The following OPCML variants were observed in gnomAD, a reference collection of about 807,000 sequenced individuals.
OPCML encodes the protein opioid binding protein/cell adhesion molecule like.
Under a neutral mutation model 37.8 loss-of-function variants are expected in OPCML, and 13 were observed. The observed-to-expected ratio is 0.34, with a 90% CI of 0.22 to 0.55. The LOEUF (loss-of-function observed/expected upper bound fraction) is 0.55, where lower values mean the gene tolerates loss of function less well. Ranked by LOEUF, OPCML falls within the 20% of genes least tolerant of loss-of-function variation. The pLI is 0.91. For synonymous variants in OPCML, 176 were observed against 168.8 expected, an observed-to-expected ratio of 1.04 and a Z score of -0.33; for missense variants, 341 against 435.6, an observed-to-expected ratio of 0.78 and a Z score of 1.93.
intron 1 of OPCML, among the ~76,000 whole-genome samples, chr11:133,236,736 G>A (rs1232051337): frequency 6.6e-6 from 1 of 152,204 alleles, no homozygotes; most frequent in African/African-American, 2.4e-5. Flanking sequence ...TTATTTAAAA[G>A]TGTTTTTACC....
intron 3 of OPCML, among the ~76,000 whole-genome samples, chr11:132,650,073 C>T (rs768428208): frequency 2.6e-5 from 4 of 152,100 alleles, no homozygotes; most frequent in East Asian, 1.9e-4. Flanking sequence ...AATATGTGTC[C>T]GCTTGACGTG....
chr11:132,680,437 C>A (rs1051886811), intron 2 of OPCML, among the ~76,000 whole-genome samples: 9 of 152,198 alleles, frequency 5.9e-5, no homozygotes, highest in Admixed American at 1.3e-4. Flanking sequence ...TATCCTACCA[C>A]ATAGGCAGTT....
intron 1 of OPCML, among the ~76,000 whole-genome samples, chr11:133,499,874 A>T (rs866554827): frequency 0.015 from 1,758 of 120,228 alleles, 21 homozygotes; most frequent in Middle Eastern, 0.049. Flanking sequence ...ATATATATAT[A>T]TTTTTTTTTT....
At chr11:132,820,779 G>C (rs1939933534) in intron 2 of OPCML, among the ~76,000 whole-genome samples, 1 of 152,170 alleles carries the variant, frequency 6.6e-6, no homozygotes. Context: ...CCAAACCACA[G>C]TCTAAGAGAT....
chr11:133,088,145 G>C (rs1948845095), intron 1 of OPCML, among the ~76,000 whole-genome samples: 1 of 152,132 alleles, frequency 6.6e-6, no homozygotes, highest in Admixed American at 6.6e-5. Flanking sequence ...ATTAACAAAA[G>C]AGAAAGAGTA....
chr11:133,338,426 G>T (rs958008398), intron 1 of OPCML, among the ~76,000 whole-genome samples: 14 of 152,176 alleles, frequency 9.2e-5, no homozygotes, highest in African/African-American at 3.1e-4. Context: ...AGGGAATTAA[G>T]GTGGAGGGGG....
At chr11:132,962,669 C>T (rs1376366650) in intron 1 of OPCML, among the ~76,000 whole-genome samples, 3 of 152,152 alleles carry the variant, frequency 2.0e-5, no homozygotes, top group Non-Finnish European at 4.4e-5. Context: ...TCCCACCGAC[C>T]CCAGCCTTGG....
intron 1 of OPCML, among the ~76,000 whole-genome samples, chr11:133,450,596 AAAAC>A (rs1353050613): frequency 6.6e-6 from 1 of 151,742 alleles, no homozygotes; most frequent in Non-Finnish European, 1.5e-5. Flanking sequence ...AATTTAAAAA[AAAAC>A]AAGCGAGTGA....
intron 1 of OPCML, among the ~76,000 whole-genome samples, chr11:132,999,811 C>G (rs1355426498): frequency 6.6e-6 from 1 of 152,038 alleles, no homozygotes; most frequent in African/African-American, 2.4e-5. Flanking sequence ...CTGTTGGCAA[C>G]GTTGTGGAAA....
intron 1 of OPCML, chr11:133,360,906 A>C (rs2136716849): frequency 6.6e-6 from 1 of 152,364 alleles, no homozygotes; most frequent in South Asian, 2.1e-4. Context: ...AGATACTCTA[A>C]GGGCTGTGGC....
intron 1 of OPCML, among the ~76,000 whole-genome samples, chr11:133,063,453 C>G (rs539639378): frequency 6.6e-6 from 1 of 152,194 alleles, no homozygotes; most frequent in Non-Finnish European, 1.5e-5. Context: ...GACTGTGAAG[C>G]GGCTGCCTTC....
At chr11:132,685,742 C>G (rs1943137342) in intron 2 of OPCML, among the ~76,000 whole-genome samples, 1 of 152,120 alleles carries the variant, frequency 6.6e-6, no homozygotes, top group Non-Finnish European at 1.5e-5. Flanking sequence ...GAAATAAACA[C>G]AGTTCCTGAG....
intron 1 of OPCML, among the ~76,000 whole-genome samples, chr11:133,244,323 G>A (rs1399062283): frequency 6.6e-6 from 1 of 152,058 alleles, no homozygotes; most frequent in Non-Finnish European, 1.5e-5. Flanking sequence ...AGGATTGAAG[G>A]AGATAAACCC....
intron 4 of OPCML, among the ~76,000 whole-genome samples, chr11:132,452,993 C>A (rs1446665814): frequency 6.6e-6 from 1 of 152,176 alleles, no homozygotes; most frequent in Non-Finnish European, 1.5e-5. Context: ...CTGCACCATG[C>A]CCACATCTTG....
chr11:133,158,757 T>TAAAAA (rs10629200), intron 1 of OPCML, among the ~76,000 whole-genome samples: 16 of 145,734 alleles, frequency 1.1e-4, no homozygotes, highest in African/African-American at 4.1e-4. Context: ...TAAAATAAAA[T>TAAAAA]GAAAATTAAA....
intron 1 of OPCML, among the ~76,000 whole-genome samples, chr11:133,058,119 G>A (rs1219438924): frequency 3.9e-5 from 6 of 152,318 alleles, no homozygotes; most frequent in African/African-American, 1.4e-4. Flanking sequence ...TTTAAACTGA[G>A]TGGTAAAGCC....
intron 1 of OPCML, among the ~76,000 whole-genome samples, chr11:133,327,497 G>T (rs928986766): frequency 6.6e-5 from 10 of 151,960 alleles, no homozygotes; most frequent in Admixed American, 1.3e-4. Flanking sequence ...AAAAATCGTG[G>T]AATTAGCATT....
intron 1 of OPCML, among the ~76,000 whole-genome samples, chr11:133,335,257 C>T (rs2136657805): frequency 6.6e-6 from 1 of 152,316 alleles, no homozygotes; most frequent in East Asian, 1.9e-4. Context: ...GAAGCTCAGG[C>T]TGAAAGGCTG....
chr11:132,865,478 G>A (rs1477304525), intron 2 of OPCML, among the ~76,000 whole-genome samples: 3 of 152,208 alleles, frequency 2.0e-5, no homozygotes, highest in African/African-American at 7.2e-5. Flanking sequence ...CACGGCTCCT[G>A]GCCAGCTACC....
Sources: gnomAD v4.1 joint callset for allele counts (sites outside exome capture counted in the v4.1 genomes callset) on GRCh38, gnomAD v4.1.1 for gene constraint, MANE v1.5 for transcripts, NCBI Gene and HGNC (gene_info 2026-07-23, HGNC 2026-07-21) for gene names.